Variants in TRDN observed in about 807,000 individuals in gnomAD.
TRDN encodes triadin.
Under a neutral mutation model 149.7 loss-of-function variants are expected in TRDN, and 161 were observed. The observed-to-expected ratio is 1.08, with a 90% CI of 0.95 to 1.23. The LOEUF (loss-of-function observed/expected upper bound fraction) is 1.23. TRDN is among the 50% of genes most tolerant of loss of function. TRDN has a pLI of 0.00. For missense variants in TRDN, 896 were observed against 823.5 expected (o/e 1.09, Z -1.08); for synonymous variants, 294 against 250.5 (o/e 1.17, Z -1.64).
intron 21 of TRDN, among the ~76,000 whole-genome samples, chr6:123,339,076 G>C (rs977332448): frequency 3.3e-5 from 5 of 151,816 alleles, no homozygotes; most frequent in East Asian, 1.9e-4. Flanking sequence ...GCAGTGGCGC[G>C]ATCTTGGCTC....
At position 123,584,854 on chromosome 6, in the gene TRDN, G is replaced by T. The variant is rs987408547; in HGVS notation, c.23-13722C>A. Among the ~76,000 whole-genome samples, 13 of 152,260 alleles carry T rather than the reference G, an allele frequency of 8.5e-5. No homozygotes were observed. The East Asian group carries it at 1.7e-3, about 20-fold the overall frequency. On this transcript the variant is annotated intron_variant, in intron 1 of 40. Coordinates refer to ENST00000334268, the MANE Select transcript of TRDN (RefSeq NM_006073.4). ...GTATATGGATTTGGAACCACGGGGT[G>T]GATAGGCAAAACAATTTGGTTGATA...
chr6:123,303,281 TA>T (rs1225081984), intron 24 of TRDN, among the ~76,000 whole-genome samples: 1 of 150,782 alleles, frequency 6.6e-6, no homozygotes, highest in Non-Finnish European at 1.5e-5. Flanking sequence ...AAACAGATTT[TA>T]AAAAAATTAT....
At chr6:123,528,075 C>G (rs965309263) in intron 5 of TRDN, among the ~76,000 whole-genome samples, 1 of 151,588 alleles carries the variant, frequency 6.6e-6, no homozygotes, top group Admixed American at 6.6e-5. Context: ...AACAGAGGGA[C>G]AAAGTAGAAA....
intron 9 of TRDN, among the ~76,000 whole-genome samples, chr6:123,467,256 C>T (rs1447465929): frequency 6.6e-6 from 1 of 150,586 alleles, no homozygotes; most frequent in Non-Finnish European, 1.5e-5. Context: ...CTAAAAGGAG[C>T]CTGCCAGGTA....
intron 38 of TRDN, 42 bp from the exon 39 acceptor site, chr6:123,224,173 TTC>T: frequency 1.3e-6 from 2 of 1,592,094 alleles, no homozygotes; most frequent in Non-Finnish European, 1.7e-6. Context: ...CAGTCAATTT[TTC>T]AGTTTTCCCA....
chr6:123,615,357 G>T (rs1406514204), intron 1 of TRDN, among the ~76,000 whole-genome samples: 1 of 152,154 alleles, frequency 6.6e-6, no homozygotes, highest in African/African-American at 2.4e-5. Context: ...CCCAGGTTTA[G>T]TGTGGCACTA....
chr6:123,529,321 A>G lies in TRDN; in HGVS notation c.484+1185T>C, dbSNP rs1024204195. 59 of 1,548,802 alleles carry G rather than the reference A, an allele frequency of 3.8e-5. 1 individual carries two copies. The African/African-American group carries it at 7.4e-4, about 19-fold the overall frequency. On this transcript the variant is annotated intron_variant, in intron 5 of 40. Coordinates refer to ENST00000334268, the MANE Select transcript of TRDN (RefSeq NM_006073.4). Reference sequence around the variant, plus strand: ...GTGATCAAAGGAATTAAGAACCGAAAAAAGGAAAGAGAACAGTAAGGAGAC... The same window carrying G: ...GTGATCAAAGGAATTAAGAACCGAAGAAAGGAAAGAGAACAGTAAGGAGAC...
chr6:123,391,083 T>C (rs1782095111), intron 13 of TRDN, among the ~76,000 whole-genome samples: 1 of 151,988 alleles, frequency 6.6e-6, no homozygotes, highest in Non-Finnish European at 1.5e-5. Flanking sequence ...TAATTCCCCA[T>C]CTCTCTCCTT....
intron 23 of TRDN, 137 bp from the exon 24 acceptor site, chr6:123,316,632 T>C (rs963687771): frequency 3.4e-6 from 2 of 580,962 alleles, no homozygotes; most frequent in Admixed American, 3.6e-5. Context: ...ATTATAGTTA[T>C]ATACTGTTAT....
intron 14 of TRDN, among the ~76,000 whole-genome samples, chr6:123,387,020 T>G (rs749628782): frequency 2.6e-5 from 4 of 152,174 alleles, no homozygotes; most frequent in Non-Finnish European, 4.4e-5. Flanking sequence ...AAACTTTAAT[T>G]GAAGGTTAAC....
intron 38 of TRDN, among the ~76,000 whole-genome samples, chr6:123,242,699 T>A (rs977715951): frequency 1.6e-4 from 24 of 152,034 alleles, no homozygotes; most frequent in Non-Finnish European, 2.8e-4. Flanking sequence ...AGTGTAGCAG[T>A]CTGTCTGGCT....
At chr6:123,427,363 C>A (rs928183260) in intron 12 of TRDN, among the ~76,000 whole-genome samples, 1 of 151,564 alleles carries the variant, frequency 6.6e-6, no homozygotes, top group Admixed American at 6.6e-5. Context: ...ATAATAATAA[C>A]TTCACTTCAA....
At chr6:123,382,866 A>G (rs895111612) in intron 14 of TRDN, among the ~76,000 whole-genome samples, 1 of 151,966 alleles carries the variant, frequency 6.6e-6, no homozygotes, top group Non-Finnish European at 1.5e-5. Flanking sequence ...TGAAAACAAG[A>G]GGTTTTTAAG....
At chr6:123,294,343 T>G (rs1456287883) in intron 24 of TRDN, among the ~76,000 whole-genome samples, 1 of 152,146 alleles carries the variant, frequency 6.6e-6, no homozygotes, top group Non-Finnish European at 1.5e-5. Context: ...TTGGTTGCTA[T>G]CTTGTTACTA....
At chr6:123,457,231 T>A (rs902034130) in intron 10 of TRDN, among the ~76,000 whole-genome samples, 1 of 149,918 alleles carries the variant, frequency 6.7e-6, no homozygotes, top group African/African-American at 2.4e-5. Context: ...CAGAAGGCCC[T>A]TTTCCTGTTT....
At chr6:123,548,315 T>C in intron 3 of TRDN, 139 bp downstream of exon 3, 2 of 520,022 alleles carry the variant, frequency 3.8e-6, no homozygotes. Context: ...CCTGTTGATA[T>C]GCTTTTAGCA....
chr6:123,437,746 C>T (rs370339643), intron 12 of TRDN, among the ~76,000 whole-genome samples: 6 of 152,036 alleles, frequency 3.9e-5, no homozygotes, highest in African/African-American at 9.7e-5. Context: ...TGAAAGTTTA[C>T]GTTTTGAGGG....
At chr6:123,259,037 T>C (rs879378500) in intron 35 of TRDN, among the ~76,000 whole-genome samples, 13 of 152,176 alleles carry the variant, frequency 8.5e-5, no homozygotes, top group Admixed American at 4.6e-4. Flanking sequence ...TTTTCTTCTT[T>C]ATTAGTCTGA....
intron 21 of TRDN, chr6:123,351,547 G>T (rs1436721380): frequency 5.1e-6 from 5 of 981,638 alleles, no homozygotes; most frequent in Non-Finnish European, 6.0e-6. Context: ...CAATTATAAA[G>T]GGATTTTATT....
Sources: gnomAD v4.1 joint callset for allele counts (sites outside exome capture counted in the v4.1 genomes callset) on GRCh38, gnomAD v4.1.1 for gene constraint, MANE v1.5 for transcripts, NCBI Gene and HGNC (gene_info 2026-07-23, HGNC 2026-07-21) for gene names.